Variants in WDR4 observed in about 807,000 individuals in gnomAD.
WDR4 encodes the protein WDR4 tRNA N7-guanosine methyltransferase non-catalytic subunit.
WDR4 carries 47 observed loss-of-function variants against 48.6 expected under a neutral mutation model. The observed-to-expected ratio is 0.97, with a 90% CI of 0.77 to 1.23. The LOEUF (loss-of-function observed/expected upper bound fraction) is 1.23, where lower values mean the gene tolerates loss of function less well. WDR4 is among the 50% of genes most tolerant of loss of function. The pLI, the probability that WDR4 is intolerant of heterozygous loss-of-function variation, is 0.00. For missense variants in WDR4, 606 were observed against 551.6 expected (o/e 1.10, Z -0.99); for synonymous variants, 268 against 230.0 (o/e 1.17, Z -1.49).
chr21:42,850,354 T>C, intron 10 of WDR4, 112 bp from the exon 11 acceptor site: 1 of 1,017,068 alleles, frequency 9.8e-7, no homozygotes, highest in East Asian at 2.8e-5. Context: ...GAGTCCTCGG[T>C]GGACCGTGGG....
At chr21:42,873,888 A>G (rs1020293003) in intron 2 of WDR4, among the ~76,000 whole-genome samples, 197 bp from the exon 3 acceptor site, 2 of 152,192 alleles carry the variant, frequency 1.3e-5, no homozygotes. Flanking sequence ...AAGCCTAACT[A>G]AACAGAAAAT....
At position 42,878,910 on chromosome 21, in the gene WDR4, G is replaced by T. The variant is rs2058562731; in HGVS notation, c.89+497C>A. 3.1e-6 allele frequency: 3 copies of T among 971,482 alleles called. No homozygotes were observed. In the South Asian group the frequency reaches 1.4e-4, roughly 46 times the overall value. 60.2% of individuals were successfully genotyped at this position (971,482 alleles called of 1,614,324 possible). A position where few individuals can be genotyped will look rare whatever the true frequency, so the allele number is the denominator to read the frequency against. On this transcript the variant is annotated intron_variant, in intron 1 of 10. Transcript: ENST00000398208. Reference sequence around the variant, plus strand: ...CAGGTGAGTGGATGCAGGCCGGGAAGAGGGAACAGACAACCCTGCAAAAAG... The same window carrying T: ...CAGGTGAGTGGATGCAGGCCGGGAATAGGGAACAGACAACCCTGCAAAAAG...
At chr21:42,883,398 A>C (rs1356469313), upstream of WDR4, among the ~76,000 whole-genome samples, 1 of 151,828 alleles carries the variant, frequency 6.6e-6, no homozygotes, top group Non-Finnish European at 1.5e-5. Flanking sequence ...TTGTGTAAAA[A>C]CAAAAATGGA....
rs756898137 is a variant in WDR4, at chr21:42,879,413, G to A, written c.83C>T (p.Ala28Val). Residue 28 changes from alanine to valine, a missense_variant, in exon 1 of 11, where the codon GCA becomes GTA. By Grantham distance (64) the Ala-to-Val change is moderately conservative (BLOSUM62 0). Transcript: ENST00000398208. ...AAGACCAAGGCCCCCTCACCTGCTT[G>A]CTATGGAGGTGGCCAGGAATCGGCT... ...GGSRFLATSIASSDDDSLFIY... is the reference protein window; with the variant it reads ...GGSRFLATSIVSSDDDSLFIY... 1 of 1,613,684 alleles carries A rather than the reference G, an allele frequency of 6.2e-7. No individual in the cohort carries two copies.
chr21:42,854,146 C>A (rs2146008576), intron 8 of WDR4, among the ~76,000 whole-genome samples: 1 of 152,356 alleles, frequency 6.6e-6, no homozygotes, highest in Middle Eastern at 3.4e-3. Flanking sequence ...CCTTTCCTGA[C>A]ACACACAAGT....
chr21:42,859,597 G>GCGCCCCCCCC, intron 6 of WDR4, 65 bp downstream of exon 6: 1 of 708,190 alleles, frequency 1.4e-6, no homozygotes. Flanking sequence ...TCCAGGAGGC[G>GCGCCCCCCCC]CCCACCCCAC....
chr21:42,863,685 A>T (rs2058172553), intron 3 of WDR4, 89 bp from the exon 4 acceptor site: 1 of 1,422,866 alleles, frequency 7.0e-7, no homozygotes, highest in Non-Finnish European at 9.6e-7. Flanking sequence ...GGTGGCAGGC[A>T]CCGGTACCTG....
downstream of WDR4, among the ~76,000 whole-genome samples, chr21:42,849,040 C>T (rs1400457393): frequency 1.7e-5 from 2 of 117,236 alleles, no homozygotes; most frequent in South Asian, 2.9e-4. Context: ...ACACACACAG[C>T]GCACGATCAC....
rs563504743 is a variant in WDR4 at position 42,873,810 on chromosome 21, G to A, written c.156-119C>T. ...AGGTAGAAACTGTTAAGGGGATCAC[G>A]TAGCCAAAATACAGACATATTAAAG... is the stretch of plus-strand genomic sequence containing the variant. On this transcript the variant is annotated intron_variant, in intron 2 of 10. Coordinates refer to ENST00000398208, the MANE Select transcript of WDR4 (RefSeq NM_018669.6). 1.4e-4 allele frequency: 167 copies of A among 1,200,104 alleles called. No homozygotes were observed. The South Asian group carries it at 2.1e-3, about 15-fold the overall frequency. 74.3% of individuals were successfully genotyped at this position (1,200,104 alleles called of 1,614,324 possible). A position where few individuals can be genotyped will look rare whatever the true frequency, so the allele number is the denominator to read the frequency against.
At chr21:42,850,350 T>C in intron 10 of WDR4, 108 bp from the exon 11 acceptor site, 1 of 1,045,126 alleles carries the variant, frequency 9.6e-7, no homozygotes, top group Non-Finnish European at 1.4e-6. Context: ...CCCAGAGTCC[T>C]CGGTGGACCG....
At chr21:42,846,027 G>A (rs930098787), downstream of WDR4, among the ~76,000 whole-genome samples, 1 of 152,076 alleles carries the variant, frequency 6.6e-6, no homozygotes, top group Non-Finnish European at 1.5e-5. Flanking sequence ...AGCTACTCAG[G>A]AGACTGAGGT....
At chr21:42,875,387 T>C (rs2058467364) in intron 2 of WDR4, among the ~76,000 whole-genome samples, 1 of 151,724 alleles carries the variant, frequency 6.6e-6, no homozygotes, top group Non-Finnish European at 1.5e-5. Context: ...TCGTCTCTAC[T>C]AAAAATACAA....
chr21:42,878,470 AT>A (rs1020236260), intron 1 of WDR4, among the ~76,000 whole-genome samples: 1 of 152,034 alleles, frequency 6.6e-6, no homozygotes, highest in African/African-American at 2.4e-5. Flanking sequence ...ATCATCTGGG[AT>A]ATGTGACGGG....
chr21:42,891,476 C>T, the WDR4 span, among the ~76,000 whole-genome samples: 1 of 152,024 alleles, frequency 6.6e-6, no homozygotes, highest in East Asian at 1.9e-4. Context: ...CAACATCTGC[C>T]GCATGTGCCC....
chr21:42,857,113 T>C (rs546679857), intron 6 of WDR4, among the ~76,000 whole-genome samples: 1 of 151,660 alleles, frequency 6.6e-6, no homozygotes, highest in East Asian at 1.9e-4. Flanking sequence ...CAAATGTCTT[T>C]ACAAAGAGAA....
the WDR4 span, among the ~76,000 whole-genome samples, chr21:42,886,202 C>A: frequency 6.6e-6 from 1 of 152,190 alleles, no homozygotes; most frequent in Non-Finnish European, 1.5e-5. Flanking sequence ...GGCAATCCCA[C>A]CGCCTTGGCC....
At position 42,873,594 on chromosome 21, in the gene WDR4, G is replaced by A; in HGVS notation, c.253C>T (p.Leu85=). Residue 85 remains leucine, a synonymous_variant, in exon 3 of 11, where the codon CTG becomes TTG. Coordinates refer to ENST00000398208, the MANE Select transcript of WDR4 (RefSeq NM_018669.6). ...CATGGTTTTGTACGGAAAAGAATCAGACGCTTACTGTCATCGGTTAAAGCA... is the reference window on the plus strand; with the variant it reads ...CATGGTTTTGTACGGAAAAGAATCAAACGCTTACTGTCATCGGTTAAAGCA... ...YFALTDDSKR[L]ILFRTKPWQC... 1 of 1,614,168 alleles carries A rather than the reference G, an allele frequency of 6.2e-7. No individual in the cohort carries two copies. Among genetic ancestry groups the A allele is most frequent in the Non-Finnish European group, 8.5e-7 (1 of 1,180,020 alleles).
chr21:42,892,567 C>A, the WDR4 span, among the ~76,000 whole-genome samples: 1 of 138,500 alleles, frequency 7.2e-6, no homozygotes, highest in East Asian at 2.0e-4. Context: ...CTGAAGGTGG[C>A]ACGTCCATCT....
chr21:42,880,178 G>C (rs1367425141), upstream of WDR4, among the ~76,000 whole-genome samples: 1 of 151,782 alleles, frequency 6.6e-6, no homozygotes, highest in Non-Finnish European at 1.5e-5. Context: ...AGGGTGTCTC[G>C]GGTGGCGTCA....
Sources: gnomAD v4.1 joint callset for allele counts (sites outside exome capture counted in the v4.1 genomes callset) on GRCh38, gnomAD v4.1.1 for gene constraint, MANE v1.5 for transcripts, NCBI Gene and HGNC (gene_info 2026-07-23, HGNC 2026-07-21) for gene names.